Variants in TRPM6 observed in about 807,000 individuals in gnomAD.
TRPM6 encodes transient receptor potential cation channel subfamily M member 6.
TRPM6 carries 111 observed loss-of-function variants against 247.6 expected under a neutral mutation model. The ratio of observed to expected loss-of-function variants is 0.45; its 90% CI spans 0.38 to 0.52. The LOEUF (loss-of-function observed/expected upper bound fraction) is 0.52, where lower values mean the gene tolerates loss of function less well. Among genes scored for constraint, TRPM6 ranks in the 20% least tolerant of loss-of-function variants. The pLI is 0.00. For synonymous variants in TRPM6, 892 were observed against 853.8 expected (o/e 1.04, Z -0.78); for missense variants, 2,126 against 2,421.5 (o/e 0.88, Z 2.56).
At chr9:74,832,685 G>C (rs1194886807) in intron 6 of TRPM6, among the ~76,000 whole-genome samples, 1 of 152,202 alleles carries the variant, frequency 6.6e-6, no homozygotes, top group Admixed American at 6.5e-5. Context: ...TGAAGCTGGA[G>C]ATAGGTACAT....
chr9:74,770,640 C>A (rs1827002434), intron 25 of TRPM6, among the ~76,000 whole-genome samples: 1 of 152,078 alleles, frequency 6.6e-6, no homozygotes, highest in Non-Finnish European at 1.5e-5. Context: ...AGACCTGGGT[C>A]CCCACCAACC....
intron 14 of TRPM6, among the ~76,000 whole-genome samples, chr9:74,805,995 A>G (rs1210242516): frequency 2.6e-5 from 4 of 152,174 alleles, no homozygotes; most frequent in Admixed American, 2.6e-4. Flanking sequence ...TGATTATATT[A>G]AGGAATTATT....
At chr9:74,869,387 T>C (rs1008223098) in intron 1 of TRPM6, among the ~76,000 whole-genome samples, 8 of 151,218 alleles carry the variant, frequency 5.3e-5, no homozygotes, top group African/African-American at 1.7e-4. Context: ...GGAGAATCAC[T>C]TGAACCCAGG....
chr9:74,869,326 C>G (rs1043946594), intron 1 of TRPM6, among the ~76,000 whole-genome samples: 13 of 151,790 alleles, frequency 8.6e-5, no homozygotes, highest in African/African-American at 3.1e-4. Context: ...AAAAATTAGC[C>G]AGGCATGGTG....
chr9:74,771,692 A>G lies in TRPM6; in HGVS notation c.3536+11T>C, dbSNP rs556839854. On this transcript the variant is annotated intron_variant, in intron 25 of 38. Transcript: ENST00000360774. ...AGTGGTTTCAGAATGGAAAAGATTTATATCTTTTACCTTTCTGATGTCACT... is the reference window on the plus strand; with the variant it reads ...AGTGGTTTCAGAATGGAAAAGATTTGTATCTTTTACCTTTCTGATGTCACT... 9 of 1,612,876 alleles carry G rather than the reference A, an allele frequency of 5.6e-6. No individual in the cohort carries two copies. In the South Asian group the frequency reaches 8.8e-5, roughly 16 times the overall value.
chr9:74,817,741 G>C (rs201374204), intron 9 of TRPM6, among the ~76,000 whole-genome samples: 1 of 19,608 alleles, frequency 5.1e-5, no homozygotes, highest in African/African-American at 3.4e-4. Context: ...TTCAAAAAAA[G>C]GGGGGGGGAG....
chr9:74,845,851 A>G (rs1830092498), intron 3 of TRPM6, among the ~76,000 whole-genome samples: 1 of 152,176 alleles, frequency 6.6e-6, no homozygotes, highest in East Asian at 1.9e-4. Flanking sequence ...AGTAAGAATA[A>G]TTTATCATTT....
intron 28 of TRPM6, among the ~76,000 whole-genome samples, chr9:74,754,133 C>T (rs952212318): frequency 3.0e-4 from 46 of 151,646 alleles, no homozygotes; most frequent in Non-Finnish European, 5.0e-4. Flanking sequence ...ATAATTGGTC[C>T]TGGAGTCATG....
At position 74,744,043 on chromosome 9, in the gene TRPM6, G is replaced by A. The variant is rs998892907; in HGVS notation, c.5134+52C>T. 1.4e-5 allele frequency: 22 copies of A among 1,562,044 alleles called. No homozygotes were observed. The East Asian group carries it at 4.0e-4, about 29-fold the overall frequency. On this transcript the variant is annotated intron_variant, in intron 32 of 38. Coordinates refer to ENST00000360774, the MANE Select transcript of TRPM6 (RefSeq NM_017662.5). ...GTCAGTGTTTCTGTTTACAAATGCA[G>A]AAGCACAGACATTTAGCTCAGCTGA...
intron 7 of TRPM6, among the ~76,000 whole-genome samples, chr9:74,824,158 C>CT (rs35643292): frequency 0.044 from 6,310 of 143,742 alleles, 174 homozygotes; most frequent in African/African-American, 0.071. Flanking sequence ...GTTAGGTACA[C>CT]TTTTTTTTTT....
At chr9:74,835,289 T>C (rs1829687330) in intron 5 of TRPM6, among the ~76,000 whole-genome samples, 1 of 152,182 alleles carries the variant, frequency 6.6e-6, no homozygotes, top group Admixed American at 6.5e-5. Context: ...TTGTTTGATT[T>C]CTTCTTGTAA....
At chr9:74,793,897 A>G (rs1486247844) in intron 18 of TRPM6, among the ~76,000 whole-genome samples, 1 of 152,230 alleles carries the variant, frequency 6.6e-6, no homozygotes. Context: ...ACTCATGTAG[A>G]GAATTAGCAA....
chr9:74,804,662 TCAG>T, intron 14 of TRPM6: 1 of 752,786 alleles, frequency 1.3e-6, no homozygotes. Context: ...CTGTGACTAT[TCAG>T]CAGTTCCCTA....
At position 74,762,318 on chromosome 9, in the gene TRPM6, T is replaced by C; in HGVS notation, c.4353A>G (p.Gly1451=). Residue 1451 remains glycine, a synonymous_variant, in exon 26 of 39, where the codon GGA becomes GGG. Coordinates refer to ENST00000360774, the MANE Select transcript of TRPM6 (RefSeq NM_017662.5). The part of the protein sequence containing the change: ...SQAKIMQTGG[G]YVNWAFSEGD... ...CTTCTGAAAATGCCCAGTTTACATA[T>C]CCACCTCCAGTTTGCATGATCTTGG... The C allele has an allele frequency of 6.2e-7, 1 of 1,614,224 alleles. No individual in the cohort carries two copies. The highest frequency in any genetic ancestry group is 8.5e-7 in the Non-Finnish European group (1 of 1,180,038).
At chr9:74,724,814 G>A (rs924240923) in intron 38 of TRPM6, 68 bp from the exon 39 acceptor site, 8 of 1,602,740 alleles carry the variant, frequency 5.0e-6, no homozygotes, top group African/African-American at 4.0e-5. Context: ...AAGACAAATG[G>A]GACTTTAGGC....
rs1191924167 is a variant in TRPM6, at chr9:74,723,921, T to C, written c.*692A>G. On this transcript the variant is annotated 3_prime_UTR_variant, in exon 39 of 39. Coordinates refer to ENST00000360774, the MANE Select transcript of TRPM6 (RefSeq NM_017662.5). The stretch of plus-strand genomic sequence containing the variant: ...ATATATATAATATACATATTCCATA[T>C]ATATTATATATGGAAGGGTATTTGT... 6.8e-6 allele frequency: 1 copy of C among 147,750 alleles called. No individual in the cohort carries two copies. The highest frequency in any genetic ancestry group is 1.5e-5 in the Non-Finnish European group (1 of 67,198). 9.2% of individuals were successfully genotyped at this position (147,750 alleles called of 1,614,324 possible). A position where few individuals can be genotyped will look rare whatever the true frequency, so the allele number is the denominator to read the frequency against.
At chr9:74,881,955 A>G (rs951762062) in intron 1 of TRPM6, among the ~76,000 whole-genome samples, 10 of 152,232 alleles carry the variant, frequency 6.6e-5, no homozygotes, top group African/African-American at 2.4e-4. Flanking sequence ...TGGTTACAGG[A>G]CATCATCTTC....
At chr9:74,788,481 C>A in intron 20 of TRPM6, 133 bp downstream of exon 20, 1 of 1,055,214 alleles carries the variant, frequency 9.5e-7, no homozygotes, top group Non-Finnish European at 1.5e-6. Flanking sequence ...GCATGTAAGT[C>A]AAGGTCAGTG....
At chr9:74,844,680 G>C (rs990612708) in intron 3 of TRPM6, among the ~76,000 whole-genome samples, 2 of 152,182 alleles carry the variant, frequency 1.3e-5, no homozygotes, top group Admixed American at 1.3e-4. Flanking sequence ...CAGCAATAAA[G>C]TTGTTTCTTT....
Sources: gnomAD v4.1 joint callset for allele counts (sites outside exome capture counted in the v4.1 genomes callset) on GRCh38, gnomAD v4.1.1 for gene constraint, MANE v1.5 for transcripts, NCBI Gene and HGNC (gene_info 2026-07-23, HGNC 2026-07-21) for gene names.